The following PARD3 variants were observed in gnomAD, a reference collection of about 807,000 sequenced individuals.
The protein encoded by PARD3 is par-3 family cell polarity regulator.
Under a neutral mutation model 155.4 loss-of-function variants are expected in PARD3, and 75 were observed. That is an observed-to-expected ratio of 0.48 (90% CI 0.40 to 0.58). The LOEUF (loss-of-function observed/expected upper bound fraction) is 0.58. PARD3 is among the 20% of genes least tolerant of loss of function. The pLI, the probability that PARD3 is intolerant of heterozygous loss-of-function variation, is 0.00. For synonymous variants in PARD3, 576 were observed against 610.5 expected, an observed-to-expected ratio of 0.94 and a Z score of 0.83; for missense variants, 1,642 against 1,721.7, an observed-to-expected ratio of 0.95 and a Z score of 0.82.
At chr10:34,776,486 T>C (rs1408416826) in intron 1 of PARD3, among the ~76,000 whole-genome samples, 1 of 151,674 alleles carries the variant, frequency 6.6e-6, no homozygotes, top group Non-Finnish European at 1.5e-5. Context: ...GAAACAAAAA[T>C]GTGGTATGAA....
chr10:34,525,184 G>A (rs967104947), intron 2 of PARD3, among the ~76,000 whole-genome samples: 2 of 152,102 alleles, frequency 1.3e-5, no homozygotes, highest in Admixed American at 6.5e-5. Flanking sequence ...ATAAAAACTC[G>A]CTACAGAACA....
chr10:34,169,114 T>C (rs943376115), intron 22 of PARD3, among the ~76,000 whole-genome samples: 13 of 152,220 alleles, frequency 8.5e-5, no homozygotes, highest in African/African-American at 2.9e-4. Context: ...GGAATTAAGT[T>C]TACTGGCTAC....
At chr10:34,342,122 A>C (rs1235091371) in intron 15 of PARD3, among the ~76,000 whole-genome samples, 1 of 152,210 alleles carries the variant, frequency 6.6e-6, no homozygotes, top group Admixed American at 6.5e-5. Flanking sequence ...AAAATGCTAC[A>C]CGCATTCTAA....
intron 22 of PARD3, among the ~76,000 whole-genome samples, chr10:34,147,007 T>C (rs1948542349): frequency 6.6e-6 from 1 of 152,210 alleles, no homozygotes; most frequent in Admixed American, 6.5e-5. Context: ...AAAGCCTTTT[T>C]TGTTTCAATC....
At chr10:34,622,375 T>A (rs78889453) in intron 2 of PARD3, among the ~76,000 whole-genome samples, 2,208 of 152,306 alleles carry the variant, frequency 0.014, 22 homozygotes, top group Non-Finnish European at 0.023. Context: ...TAAATTAACA[T>A]ACAAAGGGAC....
At chr10:34,238,321 C>T (rs575841799) in intron 22 of PARD3, among the ~76,000 whole-genome samples, 1 of 152,300 alleles carries the variant, frequency 6.6e-6, no homozygotes, top group South Asian at 2.1e-4. Context: ...TTCCTCAAAA[C>T]CCAGGGTGCA....
intron 2 of PARD3, among the ~76,000 whole-genome samples, chr10:34,564,272 T>C (rs1197080095): frequency 6.6e-6 from 1 of 152,228 alleles, no homozygotes; most frequent in East Asian, 1.9e-4. Context: ...GCCTTTTAAT[T>C]TATACATGAA....
At chr10:34,699,911 T>C (rs1034797082) in intron 1 of PARD3, among the ~76,000 whole-genome samples, 2 of 152,214 alleles carry the variant, frequency 1.3e-5, no homozygotes, top group Non-Finnish European at 2.9e-5. Context: ...AGCCACTTTT[T>C]ATACTACCAA....
intron 1 of PARD3, among the ~76,000 whole-genome samples, chr10:34,697,872 G>A (rs2094204751): frequency 6.6e-6 from 1 of 151,594 alleles, no homozygotes; most frequent in African/African-American, 2.4e-5. Context: ...GGAGTCCCTG[G>A]GACACCTGCC....
At chr10:34,361,505 TA>T (rs1839436940) in intron 12 of PARD3, among the ~76,000 whole-genome samples, 1 of 152,134 alleles carries the variant, frequency 6.6e-6, no homozygotes, top group African/African-American at 2.4e-5. Flanking sequence ...AATGTCCTAA[TA>T]AGAATAAAAA....
At chr10:34,409,655 C>T (rs896194474) in intron 5 of PARD3, among the ~76,000 whole-genome samples, 15 of 152,228 alleles carry the variant, frequency 9.9e-5, no homozygotes, top group African/African-American at 3.6e-4. Flanking sequence ...TCTCCCACCA[C>T]ACACTAGTGA....
At chr10:34,175,503 T>A (rs1949993132) in intron 22 of PARD3, among the ~76,000 whole-genome samples, 1 of 152,338 alleles carries the variant, frequency 6.6e-6, no homozygotes, top group South Asian at 2.1e-4. Context: ...CACATTTAAA[T>A]TGTCTACATG....
intron 3 of PARD3, among the ~76,000 whole-genome samples, chr10:34,495,350 A>C (rs1162053231): frequency 1.3e-5 from 2 of 152,142 alleles, no homozygotes; most frequent in Non-Finnish European, 2.9e-5. Flanking sequence ...TTCTGTAAGA[A>C]GTTCATCAGA....
intron 1 of PARD3, among the ~76,000 whole-genome samples, chr10:34,699,251 C>A (rs1481331936): frequency 6.6e-6 from 1 of 152,202 alleles, no homozygotes; most frequent in East Asian, 1.9e-4. Flanking sequence ...CAAAAATGTG[C>A]TGAATGGATA....
intron 20 of PARD3, among the ~76,000 whole-genome samples, chr10:34,314,912 T>G (rs1957915744): frequency 6.6e-6 from 1 of 152,200 alleles, no homozygotes; most frequent in Non-Finnish European, 1.5e-5. Context: ...AATTGATCAA[T>G]TGGCTCTCAC....
intron 12 of PARD3, among the ~76,000 whole-genome samples, chr10:34,370,777 A>G (rs1231606902): frequency 1.3e-5 from 2 of 151,314 alleles, no homozygotes; most frequent in Non-Finnish European, 2.9e-5. Flanking sequence ...CATTTATTCT[A>G]TAACTATTTC....
At chr10:34,773,784 CCACTAGG>C (rs1839195214) in intron 1 of PARD3, among the ~76,000 whole-genome samples, 2 of 152,146 alleles carry the variant, frequency 1.3e-5, no homozygotes, top group Admixed American at 1.3e-4. Context: ...GGGCAAACAT[CCACTAGG>C]CACTTAATGT....
intron 5 of PARD3, among the ~76,000 whole-genome samples, chr10:34,447,948 T>C (rs1261134714): frequency 6.6e-6 from 1 of 152,028 alleles, no homozygotes; most frequent in Admixed American, 6.5e-5. Flanking sequence ...CTTAAAAAAA[T>C]AGAACTACCA....
chr10:34,199,700 A>C (rs1951117876), intron 22 of PARD3, among the ~76,000 whole-genome samples: 1 of 152,234 alleles, frequency 6.6e-6, no homozygotes, highest in African/African-American at 2.4e-5. Context: ...GTTGTGGAGC[A>C]AGAGCACCTC....
Sources: allele counts gnomAD v4.1 joint callset (sites outside exome capture counted in the v4.1 genomes callset), GRCh38; gene constraint gnomAD v4.1.1; transcripts MANE v1.5; gene names NCBI Gene and HGNC (gene_info 2026-07-23, HGNC 2026-07-21).